The following RNF135 variants were observed in gnomAD, a reference collection of about 807,000 sequenced individuals.
The protein encoded by RNF135 is E3 ubiquitin-protein ligase RNF135.
In RNF135, 46 loss-of-function variants were observed where a neutral mutation model predicts 41.9. The observed-to-expected ratio is 1.10, with a 90% CI of 0.87 to 1.40. The LOEUF (loss-of-function observed/expected upper bound fraction) is 1.40, where lower values mean the gene tolerates loss of function less well. Among genes scored for constraint, RNF135 ranks in the 40% most tolerant of loss-of-function variants. RNF135 has a pLI of 0.00. For missense variants in RNF135, 539 were observed against 549.8 expected (o/e 0.98, Z 0.20); for synonymous variants, 238 against 223.8 (o/e 1.06, Z -0.57).
intron 2 of RNF135, among the ~76,000 whole-genome samples, chr17:30,985,929 A>G (rs562911339): frequency 6.6e-6 from 1 of 152,166 alleles, no homozygotes; most frequent in Non-Finnish European, 1.5e-5. Context: ...ACTACAGGGC[A>G]CCCTTCATGG....
At chr17:30,982,330 G>A (rs1013160058) in intron 1 of RNF135, among the ~76,000 whole-genome samples, 1 of 152,200 alleles carries the variant, frequency 6.6e-6, no homozygotes. Context: ...CTCTGGCTAG[G>A]ACTGATCTAA....
Position 30,998,921 on chromosome 17 carries a change from T to C in RNF135, c.1029T>C (p.Thr343=), listed in dbSNP as rs1329213417. ...EMSRDQVLGR[T]MDSCCVEWKG... is the part of the protein sequence containing the mutation. ...GCCGCGACCAGGTCCTGGGAAGGAC[T>C]ATGGACTCTTGTTGTGTGGAATGGA... Residue 343 remains threonine (T), a synonymous_variant, in exon 5 of 5, where the codon ACT becomes ACC. Transcript: ENST00000328381. 1.2e-6 allele frequency: 2 copies of C among 1,613,446 alleles called. No individual in the cohort carries two copies. The highest frequency in any genetic ancestry group is 2.7e-5 in the African/African-American group (2 of 74,880).
At chr17:30,964,120 G>T in the RNF135 span, among the ~76,000 whole-genome samples, 1 of 152,124 alleles carries the variant, frequency 6.6e-6, no homozygotes, top group Non-Finnish European at 1.5e-5. Flanking sequence ...GGGCTCGGTG[G>T]CTCACGCCTG....
the RNF135 span, among the ~76,000 whole-genome samples, chr17:30,960,583 C>T: frequency 6.6e-6 from 1 of 151,912 alleles, no homozygotes; most frequent in Non-Finnish European, 1.5e-5. Flanking sequence ...TTATGTCACA[C>T]CCCAAAACTC....
In RNF135 at chr17:30,971,332, C is replaced by A; in HGVS notation, c.259C>A (p.Arg87Ser). Residue 87 changes from arginine to serine, a missense_variant, in exon 1 of 5, where the codon CGC becomes AGC. Physicochemically the swap from Arg to Ser is moderately radical, Grantham distance 110. Transcript: ENST00000328381. The stretch of plus-strand genomic sequence containing the variant: ...GCAGGACCTGGCCGACAAGTACCGC[C>A]GCGCCGCACGCGAGATACAGGCGGG... ...LLQDLADKYR[R>S]AAREIQAGSD... The A allele has an allele frequency of 6.5e-7, 1 of 1,533,556 alleles. No homozygotes were observed. The highest frequency in any genetic ancestry group is 8.7e-7 in the Non-Finnish European group (1 of 1,143,592). 95.0% of individuals were successfully genotyped at this position (1,533,556 alleles called of 1,614,324 possible). A position where few individuals can be genotyped will look rare whatever the true frequency, so the allele number is the denominator to read the frequency against.
chr17:30,984,434 A>G (rs1907437986), intron 1 of RNF135, among the ~76,000 whole-genome samples, 183 bp from the exon 2 acceptor site: 1 of 152,172 alleles, frequency 6.6e-6, no homozygotes, highest in Non-Finnish European at 1.5e-5. Context: ...TGGTCTTGGC[A>G]CCTTCGTCAA....
At chr17:30,970,718 A>AT (rs957764470), upstream of RNF135, 235 of 304,056 alleles carry the variant, frequency 7.7e-4, no homozygotes, top group Admixed American at 1.8e-3. Flanking sequence ...TTTGTTGTTT[A>AT]TTTTTTTTTA....
At position 30,982,269 on chromosome 17, in the gene RNF135, A is replaced by G. The variant is rs546420926; in HGVS notation, c.373-2348A>G. Among the ~76,000 whole-genome samples the G allele has an allele frequency of 4.6e-5, 7 of 152,292 alleles. No individual in the cohort carries two copies. The East Asian group carries it at 1.4e-3, about 29-fold the overall frequency. The stretch of plus-strand genomic sequence containing the variant: ...CAGAGCACTTCAGCCCACAGTGGAG[A>G]GGCTTGCCAGAACTCAGGTTCCAAT... On this transcript the variant is annotated intron_variant, in intron 1 of 4. Coordinates refer to ENST00000328381, the MANE Select transcript of RNF135 (RefSeq NM_032322.4).
chr17:30,967,429 A>T (rs1905594345), upstream of RNF135, among the ~76,000 whole-genome samples: 1 of 152,152 alleles, frequency 6.6e-6, no homozygotes, highest in African/African-American at 2.4e-5. Context: ...ATTTATATAA[A>T]AGTTATAAAT....
chr17:30,975,463 G>A (rs1331605648), intron 1 of RNF135: 3 of 776,320 alleles, frequency 3.9e-6, no homozygotes, highest in Non-Finnish European at 7.2e-6. Flanking sequence ...TCACTGAGAA[G>A]CAACTGGAAG....
intron 1 of RNF135, among the ~76,000 whole-genome samples, chr17:30,977,409 TG>T (rs1906554837): frequency 6.6e-6 from 1 of 152,222 alleles, no homozygotes; most frequent in Admixed American, 6.5e-5. Flanking sequence ...AGTTTTACTC[TG>T]TTGCCCAGGT....
chr17:30,988,156 G>C (rs1033095894), intron 3 of RNF135, 50 bp downstream of exon 3: 2 of 1,544,210 alleles, frequency 1.3e-6, no homozygotes, highest in East Asian at 2.3e-5. Context: ...AAGTTGGGGG[G>C]AGTAGCAGAG....
chr17:30,965,268 G>A, the RNF135 span: 1 of 151,966 alleles, frequency 6.6e-6, no homozygotes, highest in Admixed American at 6.6e-5. Context: ...TTGAGCCTGG[G>A]AGCTCCAGGC....
upstream of RNF135, among the ~76,000 whole-genome samples, chr17:30,969,933 CT>C (rs1257120085): frequency 1.3e-5 from 2 of 151,710 alleles, no homozygotes; most frequent in Non-Finnish European, 2.9e-5. Context: ...CCTGGCTTTT[CT>C]TTTCTTTTCT....
chr17:30,988,804 CAG>C (rs1359803900), intron 3 of RNF135, among the ~76,000 whole-genome samples: 1 of 133,500 alleles, frequency 7.5e-6, no homozygotes, highest in African/African-American at 2.8e-5. Context: ...TATTTTGAGA[CAG>C]AGTCTCACTC....
rs773177168 is a variant in RNF135, at chr17:30,971,382, C to T, written c.309C>T (p.Cys103=). Residue 103 remains cysteine (C), a synonymous_variant, in exon 1 of 5, where the codon TGC becomes TGT. Transcript: ENST00000328381. The part of the protein sequence containing the change: ...QAGSDPAHCP[C]PGSSSLSSAA... ...GCTCCGACCCTGCCCACTGCCCCTG[C>T]CCGGGCTCCAGTTCCCTCTCCAGCG... is the stretch of plus-strand genomic sequence containing the variant. 14 of 1,526,578 alleles carry T rather than the reference C, an allele frequency of 9.2e-6. 1 individual carries two copies. In the South Asian group the frequency reaches 1.7e-4, roughly 18 times the overall value. The allele number at this position is 1,526,578 out of a possible 1,614,324, so 94.6% of individuals were successfully genotyped here.
intron 4 of RNF135, 93 bp from the exon 5 acceptor site, chr17:30,998,569 A>G (rs1239165314): frequency 7.1e-6 from 9 of 1,265,676 alleles, no homozygotes; most frequent in Non-Finnish European, 1.0e-5. Context: ...ACATCACACC[A>G]AAAGATACAA....
chr17:30,987,898 G>A (rs749799354), intron 2 of RNF135, 46 bp from the exon 3 acceptor site: 45 of 1,518,194 alleles, frequency 3.0e-5, no homozygotes, highest in Non-Finnish European at 3.9e-5. Context: ...TTGATAGACT[G>A]CATAGGGGAC....
Position 30,971,367 on chromosome 17 carries a change from T to C in RNF135, c.294T>C (p.Pro98=), listed in dbSNP as rs956843543. Residue 98 remains proline, a synonymous_variant, in exon 1 of 5, where the codon CCT becomes CCC. Transcript: ENST00000328381. ...GCGAGATACAGGCGGGCTCCGACCC[T>C]GCCCACTGCCCCTGCCCGGGCTCCA... is the stretch of plus-strand genomic sequence containing the variant. ...AAREIQAGSD[P]AHCPCPGSSS... 6.5e-7 allele frequency: 1 copy of C among 1,528,568 alleles called. No individual in the cohort carries two copies. 94.7% of individuals were successfully genotyped at this position (1,528,568 alleles called of 1,614,324 possible).
Sources: allele counts gnomAD v4.1 joint callset (sites outside exome capture counted in the v4.1 genomes callset), GRCh38; gene constraint gnomAD v4.1.1; transcripts MANE v1.5; gene names NCBI Gene and HGNC (gene_info 2026-07-23, HGNC 2026-07-21).